FOXP2: variants seen among roughly 807,000 people sequenced by gnomAD.
The protein encoded by FOXP2 is forkhead box protein P2.
Under a neutral mutation model 115.8 loss-of-function variants are expected in FOXP2, and 12 were observed. The observed-to-expected ratio is 0.10, with a 90% confidence interval of 0.07 to 0.17. FOXP2 has a LOEUF of 0.17. Ranked by LOEUF, FOXP2 falls within the 10% of genes least tolerant of loss-of-function variation. The pLI is 1.00. For synonymous variants in FOXP2, 328 were observed against 297.7 expected (o/e 1.10, Z -1.05); for missense variants, 629 against 843.5 (o/e 0.75, Z 3.15).
At chr7:114,359,172 C>T (rs1791687049) in intron 2 of FOXP2, among the ~76,000 whole-genome samples, 1 of 152,174 alleles carries the variant, frequency 6.6e-6, no homozygotes, top group African/African-American at 2.4e-5. Context: ...GACCAATTAA[C>T]AGCTCAGGTC....
chr7:114,378,577 G>C (rs1157739607), intron 2 of FOXP2, among the ~76,000 whole-genome samples: 1 of 150,342 alleles, frequency 6.7e-6, no homozygotes. Flanking sequence ...CCAGCTACTA[G>C]GGAGGCTGAG....
rs201244055 is a variant in FOXP2, at chr7:114,630,034, A to G, written c.597+29A>G. ...GGATCCGGTTATCTCATTGATACAT[A>G]ACAGTTTGCAGTTAAGAAGGGGCTT... is the stretch of plus-strand genomic sequence containing the variant. On this transcript the variant is annotated intron_variant, in intron 5 of 16. Transcript: ENST00000350908. 3.1e-5 allele frequency: 49 copies of G among 1,606,072 alleles called. No homozygotes were observed. In the Middle Eastern group the frequency reaches 1.3e-3, roughly 43 times the overall value.
chr7:114,625,441 A>G (rs966745439), intron 3 of FOXP2, among the ~76,000 whole-genome samples: 1 of 151,870 alleles, frequency 6.6e-6, no homozygotes, highest in Non-Finnish European at 1.5e-5. Context: ...TTGCTAAGGT[A>G]TATGTATTTC....
intron 2 of FOXP2, among the ~76,000 whole-genome samples, chr7:114,301,286 T>C (rs992268734): frequency 1.3e-5 from 2 of 152,106 alleles, no homozygotes; most frequent in African/African-American, 2.4e-5. Context: ...ATATTAAGAA[T>C]ATAAAAATAC....
rs10624558 is a variant in FOXP2, at chr7:114,102,696, C to CCACACACACACACACACACA, written c.-247+14876_-247+14895dup. Among the ~76,000 whole-genome samples, 830 of 136,420 alleles carry CCACACACACACACACACACA rather than the reference C, an allele frequency of 6.1e-3. 6 individuals carry two copies. The highest frequency in any genetic ancestry group is 0.02 in the African/African-American group (739 of 37,328). 89.5% of individuals were successfully genotyped at this position (136,420 alleles called of 152,430 possible). ...GCTACACACATACAAACACCACACA[C>CCACACACACACACACACACA]CACACACACACACACACACACACAC... On this transcript the variant is annotated intron_variant, in intron 1 of 19. Transcript: ENST00000635638.
At chr7:114,627,009 A>G (rs1348226817) in intron 3 of FOXP2, among the ~76,000 whole-genome samples, 1 of 151,916 alleles carries the variant, frequency 6.6e-6, no homozygotes, top group Non-Finnish European at 1.5e-5. Context: ...ACTCAATTTG[A>G]TCTAATTAAT....
chr7:114,191,581 G>A (rs1793762315), intron 1 of FOXP2, among the ~76,000 whole-genome samples: 1 of 152,192 alleles, frequency 6.6e-6, no homozygotes, highest in Admixed American at 6.5e-5. Context: ...CATATAACCT[G>A]ATTTGTTAAC....
intron 16 of FOXP2, among the ~76,000 whole-genome samples, chr7:114,677,374 G>A (rs566612319): frequency 6.6e-6 from 1 of 152,166 alleles, no homozygotes; most frequent in South Asian, 2.1e-4. Context: ...GAAGACATAC[G>A]ATTCTGTTTA....
At chr7:114,335,550 A>G (rs1797832196) in intron 2 of FOXP2, among the ~76,000 whole-genome samples, 1 of 151,904 alleles carries the variant, frequency 6.6e-6, no homozygotes, top group South Asian at 2.1e-4. Context: ...TGTATCATAC[A>G]TGAGATTTAT....
chr7:114,397,825 G>A (rs1792779345), intron 2 of FOXP2, among the ~76,000 whole-genome samples: 1 of 152,086 alleles, frequency 6.6e-6, no homozygotes, highest in Non-Finnish European at 1.5e-5. Context: ...ACAATTAGGA[G>A]GTAATTTATT....
At chr7:114,641,983 T>G (rs901889782) in intron 6 of FOXP2, among the ~76,000 whole-genome samples, 3 of 151,832 alleles carry the variant, frequency 2.0e-5, no homozygotes, top group African/African-American at 7.3e-5. Flanking sequence ...TTTTTGTATT[T>G]TTAGTAGAGA....
rs150743057 is a variant in FOXP2 at position 114,302,006 on chromosome 7, T to C, written c.-11+13897T>C. Among the ~76,000 whole-genome samples the C allele has an allele frequency of 5.4e-3, 822 of 152,250 alleles. 8 individuals carry two copies. Among genetic ancestry groups the C allele is most frequent in the African/African-American group, 0.019 (782 of 41,560 alleles). On this transcript the variant is annotated intron_variant, in intron 2 of 17. Coordinates refer to the FOXP2 transcript ENST00000634411. Reference sequence around the variant, plus strand: ...TAGTGATTTGTATAAAAAGCAGAAATGATTAAAGATAAAAAGTGGAAGTAA... The same window carrying C: ...TAGTGATTTGTATAAAAAGCAGAAACGATTAAAGATAAAAAGTGGAAGTAA...
At chr7:114,096,808 T>C (rs929610435) in intron 1 of FOXP2, among the ~76,000 whole-genome samples, 64 of 152,338 alleles carry the variant, frequency 4.2e-4, no homozygotes, top group African/African-American at 1.5e-3. Context: ...ACAGAATATG[T>C]AAGTAATACA....
At chr7:114,214,678 G>T (rs151284077) in intron 1 of FOXP2, among the ~76,000 whole-genome samples, 9 of 152,162 alleles carry the variant, frequency 5.9e-5, no homozygotes, top group Admixed American at 2.6e-4. Context: ...TGCTGGGGTC[G>T]TTGCTCAGTC....
At chr7:114,103,673 C>T (rs957730464) in intron 1 of FOXP2, among the ~76,000 whole-genome samples, 5 of 152,090 alleles carry the variant, frequency 3.3e-5, no homozygotes, top group African/African-American at 1.2e-4. Flanking sequence ...TTAACTACTT[C>T]TTTCTTCAGA....
chr7:114,397,399 A>G (rs1216985306), intron 2 of FOXP2, among the ~76,000 whole-genome samples: 2 of 152,150 alleles, frequency 1.3e-5, no homozygotes, highest in African/African-American at 4.8e-5. Flanking sequence ...GACAATAAAC[A>G]TAGAAAAATC....
chr7:114,376,785 T>G (rs1403369437), intron 2 of FOXP2, among the ~76,000 whole-genome samples: 1 of 152,164 alleles, frequency 6.6e-6, no homozygotes, highest in Non-Finnish European at 1.5e-5. Flanking sequence ...AGAAAGAGTG[T>G]GGCATATTTA....
intron 3 of FOXP2, among the ~76,000 whole-genome samples, chr7:114,627,666 CT>C (rs1418354600): frequency 1.3e-5 from 2 of 151,756 alleles, no homozygotes; most frequent in African/African-American, 4.8e-5. Context: ...TCTTTTTCTC[CT>C]TCCCTATCTT....
intron 2 of FOXP2, among the ~76,000 whole-genome samples, chr7:114,532,998 A>AT (rs1266710600): frequency 1.2e-4 from 18 of 152,030 alleles, no homozygotes; most frequent in Non-Finnish European, 2.4e-4. Flanking sequence ...GTAATTACAG[A>AT]TTTTTTTGTT....
Sources: gnomAD v4.1 joint callset for allele counts (sites outside exome capture counted in the v4.1 genomes callset) on GRCh38, gnomAD v4.1.1 for gene constraint, MANE v1.5 for transcripts, NCBI Gene and HGNC (gene_info 2026-07-23, HGNC 2026-07-21) for gene names.